Variants in TENM2 observed in about 807,000 individuals in gnomAD.
TENM2 encodes teneurin transmembrane protein 2, also known as teneurin-2.
In TENM2, 52 loss-of-function variants were observed where a neutral mutation model predicts 245.2. The observed-to-expected ratio is 0.21, with a 90% CI of 0.17 to 0.27. TENM2 has a LOEUF of 0.27. Ranked by LOEUF, TENM2 falls within the 10% of genes least tolerant of loss-of-function variation. TENM2 has a pLI of 1.00. For missense variants in TENM2, 3,046 were observed against 3,666.8 expected, an observed-to-expected ratio of 0.83 and a Z score of 4.37; for synonymous variants, 1,363 against 1,438.9, an observed-to-expected ratio of 0.95 and a Z score of 1.19.
chr5:167,101,845 ATATT>A, the TENM2 span, among the ~76,000 whole-genome samples: 397 of 99,956 alleles, frequency 4.0e-3, 10 homozygotes, highest in African/African-American at 0.018. Context: ...TTATATATAT[ATATT>A]TATATATATA....
rs142578528 is a variant in TENM2 at position 167,855,348 on chromosome 5, C to T, written c.503-20638C>T. The stretch of plus-strand genomic sequence containing the variant: ...CCTCTTGACCTCTACTCTGCCATTC[C>T]CTACTCTCCTTACCTTTCTCTACTT... On this transcript the variant is annotated intron_variant, in intron 2 of 28. Coordinates refer to ENST00000518659, the Ensembl canonical transcript of TENM2. Among the ~76,000 whole-genome samples, 1,014 of 152,196 alleles carry T rather than the reference C, an allele frequency of 6.7e-3. 18 individuals are homozygous for T. Among genetic ancestry groups the T allele is most frequent in the Non-Finnish European group, 7.0e-3 (473 of 68,008 alleles).
chr5:167,252,111 T>G, the TENM2 span, among the ~76,000 whole-genome samples: 1 of 152,094 alleles, frequency 6.6e-6, no homozygotes, highest in African/African-American at 2.4e-5. Context: ...AAGTAAGAGT[T>G]CATAAGATTA....
At chr5:168,146,930 C>A (rs982981650) in intron 12 of TENM2, among the ~76,000 whole-genome samples, 5 of 152,166 alleles carry the variant, frequency 3.3e-5, no homozygotes, top group African/African-American at 1.2e-4. Flanking sequence ...ATCAGGGGAC[C>A]CCCCCTTCAC....
chr5:168,209,130 T>C (rs1256559505), intron 19 of TENM2, among the ~76,000 whole-genome samples: 1 of 152,232 alleles, frequency 6.6e-6, no homozygotes, highest in African/African-American at 2.4e-5. Context: ...ATTAGTTTCA[T>C]ATTATTGATA....
intron 3 of TENM2, 63 bp downstream of exon 5, chr5:167,876,258 C>A: frequency 7.4e-7 from 1 of 1,360,318 alleles, no homozygotes; most frequent in Non-Finnish European, 1.0e-6. Flanking sequence ...TGATTCTCCA[C>A]CAAAATGACA....
chr5:167,105,321 C>T, the TENM2 span, among the ~76,000 whole-genome samples: 2 of 152,136 alleles, frequency 1.3e-5, no homozygotes, highest in Admixed American at 1.3e-4. Context: ...GTGATATTAT[C>T]ACCCCATTAC....
intron 23 of TENM2, 51 bp from the exon 26 acceptor site, chr5:168,226,037 C>T (rs1764148654): frequency 6.5e-7 from 1 of 1,535,674 alleles, no homozygotes; most frequent in African/African-American, 1.4e-5. Context: ...CACTGTCAGC[C>T]CCAATGACTG....
intron 19 of TENM2, 91 bp downstream of exon 21, chr5:168,204,712 T>C (rs1762217109): frequency 6.6e-7 from 1 of 1,504,244 alleles, no homozygotes; most frequent in Non-Finnish European, 9.0e-7. Flanking sequence ...TTTGGGATTC[T>C]CCAGAGAAGA....
At chr5:166,993,424 G>T in the TENM2 span, among the ~76,000 whole-genome samples, 2 of 152,076 alleles carry the variant, frequency 1.3e-5, no homozygotes, top group African/African-American at 4.8e-5. Context: ...CACCTAGGAG[G>T]GTGAGAGCCC....
chr5:168,261,098 G>A (rs140487047), intron 28 of TENM2, among the ~76,000 whole-genome samples: 56 of 152,240 alleles, frequency 3.7e-4, no homozygotes, highest in African/African-American at 1.3e-3. Context: ...TGAGAACAGC[G>A]TTCACTCAGT....
the TENM2 span, among the ~76,000 whole-genome samples, chr5:167,213,126 C>A: frequency 5.8e-4 from 88 of 152,138 alleles, no homozygotes; most frequent in Non-Finnish European, 1.2e-3. Flanking sequence ...TGTTTCGTAT[C>A]GTGGAATCAC....
At chr5:167,016,202 C>T in the TENM2 span, among the ~76,000 whole-genome samples, 4 of 148,804 alleles carry the variant, frequency 2.7e-5, no homozygotes, top group African/African-American at 5.0e-5. Flanking sequence ...TGCAGTGAGC[C>T]GAGATGGGGC....
Position 167,552,844 on chromosome 5 carries a change from A to T in TENM2, c.502+177371A>T, listed in dbSNP as rs1270808857. On this transcript the variant is annotated intron_variant, in intron 2 of 28. Transcript: ENST00000518659. ...CCTCATGGTTGCATGAACTTTCTTC[A>T]TTTGACAAATACTTAGTAAACACCT... Among the ~76,000 whole-genome samples, 4 of 152,324 alleles carry T rather than the reference A, an allele frequency of 2.6e-5. No individual in the cohort carries two copies. In the South Asian group the frequency reaches 8.3e-4, roughly 32 times the overall value.
chr5:167,803,818 T>C (rs1765954303), intron 2 of TENM2, among the ~76,000 whole-genome samples: 1 of 152,176 alleles, frequency 6.6e-6, no homozygotes, highest in Non-Finnish European at 1.5e-5. Flanking sequence ...TGATTTTTAA[T>C]GCATGTATAT....
the TENM2 span, among the ~76,000 whole-genome samples, chr5:167,055,950 A>C: frequency 6.6e-6 from 1 of 152,118 alleles, no homozygotes; most frequent in South Asian, 2.1e-4. Flanking sequence ...ACAATGTTGA[A>C]GAGCAGTGGT....
chr5:167,902,665 T>C (rs555233080), intron 3 of TENM2, among the ~76,000 whole-genome samples: 1 of 152,296 alleles, frequency 6.6e-6, no homozygotes, highest in African/African-American at 2.4e-5. Flanking sequence ...AGCCGACTCA[T>C]CGAGAATGAG....
intron 2 of TENM2, among the ~76,000 whole-genome samples, chr5:167,873,480 G>T (rs7380412): frequency 6.6e-6 from 1 of 151,914 alleles, no homozygotes; most frequent in Non-Finnish European, 1.5e-5. Context: ...CTATCTGTGC[G>T]GTTTAACCTC....
intron 2 of TENM2, among the ~76,000 whole-genome samples, chr5:167,403,948 C>A (rs1762498158): frequency 6.8e-6 from 1 of 147,108 alleles, no homozygotes; most frequent in South Asian, 2.2e-4. Context: ...AAAAGATTTT[C>A]TTTTTCTTCT....
chr5:167,626,691 GA>G (rs1481659436), intron 2 of TENM2, among the ~76,000 whole-genome samples: 1 of 152,136 alleles, frequency 6.6e-6, no homozygotes, highest in Non-Finnish European at 1.5e-5. Flanking sequence ...TATACACAAC[GA>G]AATCTAAAAA....
Sources: gnomAD v4.1 joint callset for allele counts (sites outside exome capture counted in the v4.1 genomes callset) on GRCh38, gnomAD v4.1.1 for gene constraint, MANE v1.5 for transcripts, NCBI Gene and HGNC (gene_info 2026-07-23, HGNC 2026-07-21) for gene names.